NTN1: variants seen among roughly 807,000 people sequenced by gnomAD.
NTN1 encodes the protein netrin-1.
NTN1 carries 11 observed loss-of-function variants against 54.2 expected under a neutral mutation model. That is an observed-to-expected ratio of 0.20 (90% CI 0.13 to 0.34). NTN1 has a LOEUF of 0.34. Among genes scored for constraint, NTN1 ranks in the 10% least tolerant of loss-of-function variants. The pLI, the probability that NTN1 is intolerant of heterozygous loss-of-function variation, is 1.00. For missense variants in NTN1, 740 were observed against 893.1 expected, an observed-to-expected ratio of 0.83 and a Z score of 2.18; for synonymous variants, 371 against 382.0, an observed-to-expected ratio of 0.97 and a Z score of 0.33.
In NTN1 at chr17:9,239,509, G is replaced by C. The variant is rs141379905; in HGVS notation, c.1487-131G>C. Reference sequence around the variant, plus strand: ...ACGATCAGCTTGCCACCACCCACGCGCTCCTGTATGGGCCACTCTGTGCAG... The same window carrying C: ...ACGATCAGCTTGCCACCACCCACGCCCTCCTGTATGGGCCACTCTGTGCAG... On this transcript the variant is annotated intron_variant, in intron 6 of 6. Coordinates refer to ENST00000173229, the MANE Select transcript of NTN1 (RefSeq NM_004822.3). The surrounding 1 kb of genome is among the most constrained non-coding windows in gnomAD (Gnocchi z 5.2). 6.7e-3 allele frequency: 5,408 copies of C among 803,456 alleles called. 88 individuals are homozygous for C. Among genetic ancestry groups the C allele is most frequent in the Middle Eastern group, 0.039 (103 of 2,632 alleles). The allele number at this position is 803,456 out of a possible 1,614,324, so 49.8% of individuals were successfully genotyped here. A position where few individuals can be genotyped will look rare whatever the true frequency, so the allele number is the denominator to read the frequency against.
At chr17:9,006,361 T>C in the NTN1 span, among the ~76,000 whole-genome samples, 173 of 152,322 alleles carry the variant, frequency 1.1e-3, no homozygotes, top group African/African-American at 3.9e-3. Context: ...TCGCTGAGAC[T>C]ATCCAGATGA....
intron 2 of NTN1, among the ~76,000 whole-genome samples, chr17:9,094,950 C>G (rs1174249370): frequency 7.1e-6 from 1 of 141,150 alleles, no homozygotes; most frequent in African/African-American, 2.7e-5. Context: ...GATCATGCCA[C>G]TGCACTTCAG....
upstream of NTN1, among the ~76,000 whole-genome samples, chr17:9,019,926 T>C (rs758163869): frequency 5.3e-5 from 8 of 152,168 alleles, no homozygotes; most frequent in Non-Finnish European, 1.0e-4. Flanking sequence ...GTGCAGAGTG[T>C]GGTAAACGGC....
At chr17:9,082,185 G>C (rs1243024156) in intron 2 of NTN1, among the ~76,000 whole-genome samples, 2 of 152,124 alleles carry the variant, frequency 1.3e-5, no homozygotes, top group Non-Finnish European at 2.9e-5. Flanking sequence ...TCAGCCTCCT[G>C]AGTAACTGGG....
chr17:9,122,484 A>G (rs1416178004), intron 2 of NTN1, among the ~76,000 whole-genome samples: 1 of 152,144 alleles, frequency 6.6e-6, no homozygotes, highest in Non-Finnish European at 1.5e-5. Flanking sequence ...TAACCAGATT[A>G]AAGGGGTGCT....
chr17:9,185,296 C>G (rs2092429944), intron 5 of NTN1, among the ~76,000 whole-genome samples: 2 of 151,638 alleles, frequency 1.3e-5, no homozygotes, highest in East Asian at 1.9e-4. Context: ...GCCAGGAGGG[C>G]CCCCTGGGAA....
chr17:9,229,820 A>G (rs1300576930), intron 6 of NTN1, among the ~76,000 whole-genome samples: 1 of 151,936 alleles, frequency 6.6e-6, no homozygotes, highest in Non-Finnish European at 1.5e-5. Flanking sequence ...GAGGGGGGAG[A>G]CCTAGTTGGC....
chr17:9,197,328 C>T (rs533119858), intron 5 of NTN1, among the ~76,000 whole-genome samples: 2 of 152,132 alleles, frequency 1.3e-5, no homozygotes, highest in East Asian at 1.9e-4. Context: ...GACACAGAGG[C>T]TTAGCAAAGC....
the NTN1 span, among the ~76,000 whole-genome samples, chr17:9,005,123 C>T: frequency 6.6e-6 from 1 of 152,182 alleles, no homozygotes; most frequent in African/African-American, 2.4e-5. Context: ...CCGCATCTCT[C>T]CACGTCTTCA....
chr17:9,227,979 C>T (rs1905657257), intron 6 of NTN1, among the ~76,000 whole-genome samples: 1 of 152,176 alleles, frequency 6.6e-6, no homozygotes, highest in Non-Finnish European at 1.5e-5. Flanking sequence ...CCCGAGAAGT[C>T]CTGGCCCAGC....
chr17:9,119,525 C>T (rs151085324), intron 2 of NTN1, among the ~76,000 whole-genome samples: 1,613 of 150,500 alleles, frequency 0.011, 36 homozygotes, highest in African/African-American at 0.036. Context: ...TTATTAGAAA[C>T]AAGGTCTCTG....
intron 6 of NTN1, among the ~76,000 whole-genome samples, chr17:9,227,155 C>T (rs1379434796): frequency 1.3e-5 from 2 of 152,144 alleles, no homozygotes; most frequent in East Asian, 1.9e-4. Flanking sequence ...GCTGTGCTCA[C>T]GTCCACACCA....
At chr17:9,109,267 A>G (rs986282671) in intron 2 of NTN1, among the ~76,000 whole-genome samples, 4 of 152,024 alleles carry the variant, frequency 2.6e-5, no homozygotes, top group African/African-American at 4.8e-5. Context: ...GTTCCATTCA[A>G]TTTCTTTCTT....
intron 6 of NTN1, among the ~76,000 whole-genome samples, chr17:9,237,575 C>T (rs1305131975): frequency 6.6e-5 from 10 of 152,172 alleles, no homozygotes. Flanking sequence ...GCCCAGGGTG[C>T]CTTCTGCAGC....
chr17:9,197,896 A>G (rs1403874599), intron 5 of NTN1, among the ~76,000 whole-genome samples: 1 of 152,198 alleles, frequency 6.6e-6, no homozygotes, highest in South Asian at 2.1e-4. Flanking sequence ...CCCATGGTCC[A>G]AGATACCTTC....
At chr17:9,166,275 A>G (rs552527787) in intron 3 of NTN1, among the ~76,000 whole-genome samples, 91 of 144,436 alleles carry the variant, frequency 6.3e-4, no homozygotes, top group South Asian at 1.8e-3. Flanking sequence ...GAGGTTTGAT[A>G]TTTGACAGTT....
Position 9,162,814 on chromosome 17 carries a change from C to T in NTN1, c.1020C>T (p.Ala340=). ...ACCTCTCTCTGTCTCCCCCTGCAGCCTGTAACTGCAACCTGCATGCCCGGC... is the reference window on the plus strand; with the variant it reads ...ACCTCTCTCTGTCTCCCCCTGCAGCTTGTAACTGCAACCTGCATGCCCGGC... The part of the protein sequence containing the change: ...ATAREANECV[A]CNCNLHARRC... The change falls in exon 3 of 7, where the codon GCC becomes GCT. Residue 340 remains alanine, a splice_region_variant and synonymous_variant. Transcript: ENST00000173229. 6.2e-7 allele frequency: 1 copy of T among 1,610,268 alleles called. No individual in the cohort carries two copies. The highest frequency in any genetic ancestry group is 8.5e-7 in the Non-Finnish European group (1 of 1,177,092).
Position 9,227,037 on chromosome 17 carries a change from C to T in NTN1, c.1486+5795C>T, listed in dbSNP as rs114812376. Among the ~76,000 whole-genome samples, 757 of 152,222 alleles carry T rather than the reference C, an allele frequency of 5.0e-3. 10 individuals are homozygous for T. The highest frequency in any genetic ancestry group is 0.017 in the African/African-American group (722 of 41,516). ...GCCTCCTCCTGTTCCCTTCCCGTCT[C>T]CCTTCCAACCTCTTCCTCCCATCCC... On this transcript the variant is annotated intron_variant, in intron 6 of 6. Coordinates refer to ENST00000173229, the MANE Select transcript of NTN1 (RefSeq NM_004822.3).
chr17:9,163,796 C>CA (rs2092366255), intron 3 of NTN1, among the ~76,000 whole-genome samples: 2 of 152,158 alleles, frequency 1.3e-5, no homozygotes, highest in South Asian at 2.1e-4. Context: ...GGGCCCCCCC[C>CA]ACCCCACAAA....
Sources: allele counts gnomAD v4.1 joint callset (sites outside exome capture counted in the v4.1 genomes callset), GRCh38; gene constraint gnomAD v4.1.1; non-coding constraint Gnocchi (gnomAD v3.1); transcripts MANE v1.5; gene names NCBI Gene and HGNC (gene_info 2026-07-23, HGNC 2026-07-21).